The following WHRN variants were observed in gnomAD, a reference collection of about 807,000 sequenced individuals.
WHRN encodes the protein CASK-interacting protein CIP98.
Under a neutral mutation model 68.3 loss-of-function variants are expected in WHRN, and 41 were observed. That is an observed-to-expected ratio of 0.60 (90% CI 0.47 to 0.78). The LOEUF is 0.78. WHRN is among the 30% of genes least tolerant of loss of function. The probability of loss-of-function intolerance (pLI) is 0.00; values close to 1 mark genes in which losing one functional copy is unlikely to be tolerated. For missense variants in WHRN, 1,243 were observed against 1,244.7 expected (o/e 1.00, Z 0.02); for synonymous variants, 560 against 561.3 (o/e 1.00, Z 0.03).
intron 1 of WHRN, among the ~76,000 whole-genome samples, chr9:114,491,343 G>T (rs1842954418): frequency 6.6e-6 from 1 of 152,096 alleles, no homozygotes; most frequent in Non-Finnish European, 1.5e-5. Flanking sequence ...AACCTACTCG[G>T]CCGATGTCTG....
chr9:114,421,740 A>G (rs555594134), intron 7 of WHRN, among the ~76,000 whole-genome samples: 3 of 152,160 alleles, frequency 2.0e-5, no homozygotes, highest in Non-Finnish European at 4.4e-5. Flanking sequence ...CCTAAATGCC[A>G]TATCAAAGTA....
At chr9:114,501,847 C>T (rs1441395077) in intron 1 of WHRN, among the ~76,000 whole-genome samples, 1 of 152,188 alleles carries the variant, frequency 6.6e-6, no homozygotes, top group Non-Finnish European at 1.5e-5. Context: ...AACGGCTCCC[C>T]GTGGAGAAAT....
At chr9:114,450,831 C>T (rs1839259503) in intron 3 of WHRN, among the ~76,000 whole-genome samples, 1 of 148,102 alleles carries the variant, frequency 6.8e-6, no homozygotes, top group African/African-American at 2.6e-5. Flanking sequence ...TAGTTTCCCC[C>T]CCCGCAAAAA....
In WHRN at chr9:114,402,580, T is replaced by C. The variant is rs1033902001; in HGVS notation, c.*174A>G. 6.1e-6 allele frequency: 5 copies of C among 815,780 alleles called. No homozygotes were observed. In the African/African-American group the frequency reaches 8.4e-5, roughly 14 times the overall value. The allele number at this position is 815,780 out of a possible 1,614,324, so 50.5% of individuals were successfully genotyped here. ...CTGACCTGACCTTCTGTCTGCCTTG[T>C]CCTGCTCTCTTCCTCTCCCAGTTCT... On this transcript the variant is annotated 3_prime_UTR_variant, in exon 12 of 12. Transcript: ENST00000362057.
intron 3 of WHRN, among the ~76,000 whole-genome samples, chr9:114,438,112 G>A (rs941072444): frequency 6.6e-6 from 1 of 152,092 alleles, no homozygotes. Context: ...CTGCATGCCT[G>A]TAGTCCCAGT....
intron 1 of WHRN, among the ~76,000 whole-genome samples, chr9:114,496,260 C>T (rs1843447877): frequency 1.3e-5 from 2 of 152,122 alleles, no homozygotes; most frequent in African/African-American, 4.8e-5. Context: ...GTCTGGTATG[C>T]CACCCACATT....
Position 114,402,685 on chromosome 9 carries a change from G to A in WHRN, c.*69C>T. 4.4e-6 allele frequency: 7 copies of A among 1,598,924 alleles called. No individual in the cohort carries two copies. The South Asian group carries it at 6.6e-5, about 15-fold the overall frequency. ...GCCCCAACCCCGCAAGGAGCTTGAT[G>A]AAGCCAACGGTGGAAAGGGACTGGG... On this transcript the variant is annotated 3_prime_UTR_variant, in exon 12 of 12. Coordinates refer to ENST00000362057, the MANE Select transcript of WHRN (RefSeq NM_015404.4).
chr9:114,455,095 C>A (rs756104835), intron 3 of WHRN, among the ~76,000 whole-genome samples: 3 of 152,166 alleles, frequency 2.0e-5, no homozygotes, highest in Non-Finnish European at 4.4e-5. Flanking sequence ...AACTATAATA[C>A]TGTTAGAGGA....
intron 3 of WHRN, among the ~76,000 whole-genome samples, chr9:114,463,795 C>A (rs920855400): frequency 6.6e-6 from 1 of 152,210 alleles, no homozygotes; most frequent in Non-Finnish European, 1.5e-5. Context: ...AAGCAAGCAC[C>A]TAGATCCAAC....
At position 114,403,253 on chromosome 9, in the gene WHRN, G is replaced by A. The variant is rs766524877; in HGVS notation, c.2505C>T (p.Asn835=). Residue 835 remains asparagine, a synonymous_variant, in exon 11 of 12, where the codon AAC becomes AAT. Coordinates refer to ENST00000362057, the MANE Select transcript of WHRN (RefSeq NM_015404.4). Reference sequence around the variant, plus strand: ...CAATCCTAGGCAGGGGCTGGCGGGTGTTGGCGCCACCCTCGATGGCGATGC... The same window carrying A: ...CAATCCTAGGCAGGGGCTGGCGGGTATTGGCGCCACCCTCGATGGCGATGC... ...TLGIAIEGGA[N]TRQPLPRIVT... 5 of 1,614,178 alleles carry A rather than the reference G, an allele frequency of 3.1e-6. No homozygotes were observed. Among genetic ancestry groups the A allele is most frequent in the Non-Finnish European group, 3.4e-6 (4 of 1,180,026 alleles).
chr9:114,407,541 C>T (rs1835125679), intron 8 of WHRN, among the ~76,000 whole-genome samples: 1 of 152,212 alleles, frequency 6.6e-6, no homozygotes, highest in East Asian at 1.9e-4. Context: ...ACACCGGACA[C>T]CTGCACAGCT....
At chr9:114,450,834 C>CT (rs61551843) in intron 3 of WHRN, among the ~76,000 whole-genome samples, 1 of 149,860 alleles carries the variant, frequency 6.7e-6, no homozygotes, top group Admixed American at 6.6e-5. Flanking sequence ...TTTCCCCCCC[C>CT]GCAAAAAAAT....
At chr9:114,409,241 A>AGAG (rs10666207) in intron 7 of WHRN, among the ~76,000 whole-genome samples, 62,774 of 151,922 alleles carry the variant, frequency 0.41, 13,962 homozygotes, top group Middle Eastern at 0.52. Flanking sequence ...CTGGGGACAC[A>AGAG]GAGGTGGGAC....
intron 1 of WHRN, among the ~76,000 whole-genome samples, chr9:114,481,217 T>G (rs1321555911): frequency 6.6e-6 from 1 of 152,206 alleles, no homozygotes; most frequent in Non-Finnish European, 1.5e-5. Flanking sequence ...TCCCTGACAT[T>G]TGAGCCTCTC....
intron 3 of WHRN, among the ~76,000 whole-genome samples, chr9:114,446,333 G>A (rs1046235222): frequency 6.7e-6 from 1 of 149,192 alleles, no homozygotes; most frequent in Non-Finnish European, 1.5e-5. Flanking sequence ...CAGTTTTCAG[G>A]GAGTGAAGGG....
chr9:114,438,935 G>A (rs991040679), intron 3 of WHRN, among the ~76,000 whole-genome samples: 2 of 152,132 alleles, frequency 1.3e-5, no homozygotes, highest in Non-Finnish European at 1.5e-5. Flanking sequence ...GAGTACACAC[G>A]GCTGTCGAAA....
In WHRN at chr9:114,406,752, C is replaced by T. The variant is rs759726752; in HGVS notation, c.1839G>A (p.Met613Ile). ...GREDLQPPSSMPSCSGTVFSA... is the reference protein window; with the variant it reads ...GREDLQPPSSIPSCSGTVFSA... ...AGAAGACAGTGCCCGAGCAGGAAGG[C>T]ATGGAGGAAGGTGGCTGGAGGTCCT... Residue 613 changes from methionine to isoleucine, a missense_variant, in exon 9 of 12, where the codon ATG becomes ATA. Coordinates refer to ENST00000362057, the MANE Select transcript of WHRN (RefSeq NM_015404.4). The T allele has an allele frequency of 5.0e-6, 8 of 1,614,136 alleles. No individual in the cohort carries two copies. Among genetic ancestry groups the T allele is most frequent in the South Asian group, 2.2e-5 (2 of 91,072 alleles).
At chr9:114,463,322 C>T (rs1840397662) in intron 3 of WHRN, among the ~76,000 whole-genome samples, 1 of 152,214 alleles carries the variant, frequency 6.6e-6, no homozygotes, top group Non-Finnish European at 1.5e-5. Flanking sequence ...ACTCATCCTG[C>T]TTCATCTCTT....
At chr9:114,459,304 A>AAT (rs386415965) in intron 3 of WHRN, among the ~76,000 whole-genome samples, 3 of 9,482 alleles carry the variant, frequency 3.2e-4, no homozygotes, top group African/African-American at 6.7e-4. Flanking sequence ...CTAAAAATAC[A>AAT]AAAAAAAAAA....
Sources: gnomAD v4.1 joint callset for allele counts (sites outside exome capture counted in the v4.1 genomes callset) on GRCh38, gnomAD v4.1.1 for gene constraint, MANE v1.5 for transcripts, NCBI Gene and HGNC (gene_info 2026-07-23, HGNC 2026-07-21) for gene names.